The following CYP4F22 variants were observed in gnomAD, a reference collection of about 807,000 sequenced individuals.
The protein encoded by CYP4F22 is cytochrome P450 family 4 subfamily F member 22, also known as ultra-long-chain fatty acid omega-hydroxylase.
A neutral mutation model predicts 60.4 loss-of-function variants in CYP4F22; 37 were observed. The ratio of observed to expected loss-of-function variants is 0.61; its 90% CI spans 0.47 to 0.81. The LOEUF is 0.81. Ranked by LOEUF, CYP4F22 falls within the 30% of genes least tolerant of loss-of-function variation. CYP4F22 has a pLI of 0.00. For synonymous variants in CYP4F22, 258 were observed against 280.5 expected, an observed-to-expected ratio of 0.92 and a Z score of 0.80; for missense variants, 655 against 715.0, an observed-to-expected ratio of 0.92 and a Z score of 0.96.
intron 2 of CYP4F22, among the ~76,000 whole-genome samples, chr19:15,524,912 A>G (rs537617428): frequency 1.3e-5 from 2 of 152,312 alleles, no homozygotes; most frequent in African/African-American, 4.8e-5. Context: ...GCTGGAGTTT[A>G]ATCTCATTGG....
At position 15,509,854 on chromosome 19, in the gene CYP4F22, C is replaced by CTCCTTCCTTCCTTCCT. The variant is rs201064190; in HGVS notation, c.-109+1309_-109+1324dup. 4.1e-3 allele frequency among the ~76,000 whole-genome samples: 447 copies of CTCCTTCCTTCCTTCCT among 110,054 alleles called. 5 individuals are homozygous for CTCCTTCCTTCCTTCCT. The highest frequency in any genetic ancestry group is 6.6e-3 in the South Asian group (19 of 2,872). 72.2% of individuals were successfully genotyped at this position (110,054 alleles called of 152,430 possible). On this transcript the variant is annotated intron_variant, in intron 1 of 13. Coordinates refer to ENST00000269703, the MANE Select transcript of CYP4F22 (RefSeq NM_173483.4). ...GGCATTCAGGGAATGGGACCCATCT[C>CTCCTTCCTTCCTTCCT]TCCTTCCTTCCTTCCTTCCTTCCTT... is the stretch of plus-strand genomic sequence containing the variant.
At chr19:15,526,193 A>G (rs928418978) in intron 3 of CYP4F22, among the ~76,000 whole-genome samples, 1 of 152,068 alleles carries the variant, frequency 6.6e-6, no homozygotes, top group African/African-American at 2.4e-5. Context: ...AACTCTCTCT[A>G]TAATTTTATA....
At chr19:15,522,771 C>T (rs1971240106) in intron 1 of CYP4F22, among the ~76,000 whole-genome samples, 2 of 152,110 alleles carry the variant, frequency 1.3e-5, no homozygotes, top group South Asian at 4.1e-4. Flanking sequence ...AGTGCAGTGG[C>T]ACGATCTCAG....
At chr19:15,524,404 C>G (rs922656231) in intron 2 of CYP4F22, among the ~76,000 whole-genome samples, 1 of 152,138 alleles carries the variant, frequency 6.6e-6, no homozygotes, top group African/African-American at 2.4e-5. Context: ...AATCCCAGCA[C>G]TTTGGGAGGC....
rs1395435198 is a variant in CYP4F22 at position 15,537,365 on chromosome 19, C to T, written c.372C>T (p.Ala124=). The T allele has an allele frequency of 1.2e-6, 2 of 1,614,168 alleles. No homozygotes were observed. Among genetic ancestry groups the T allele is most frequent in the Admixed American group, 1.7e-5 (1 of 60,016 alleles). Residue 124 remains alanine, a synonymous_variant, in exon 5 of 14, where the codon GCC becomes GCT. Coordinates refer to ENST00000269703, the MANE Select transcript of CYP4F22 (RefSeq NM_173483.4). ...YIKPLLGASA[A]IAPKDDLFYG... ...TTTTCCCTTTGCCCTCCACAGCTGCCATCGCCCCCAAGGATGACCTCTTCT... is the reference window on the plus strand; with the variant it reads ...TTTTCCCTTTGCCCTCCACAGCTGCTATCGCCCCCAAGGATGACCTCTTCT...
intron 1 of CYP4F22, among the ~76,000 whole-genome samples, chr19:15,518,363 G>A (rs1280167666): frequency 6.6e-6 from 1 of 151,750 alleles, no homozygotes; most frequent in Non-Finnish European, 1.5e-5. Context: ...ATAAAAGGCC[G>A]GGCACGGTGG....
At chr19:15,521,219 G>T (rs111643952) in intron 1 of CYP4F22, among the ~76,000 whole-genome samples, 3 of 147,386 alleles carry the variant, frequency 2.0e-5, no homozygotes, top group African/African-American at 7.5e-5. Context: ...TGGGTACTTG[G>T]GTTACTTCCA....
intron 12 of CYP4F22, 62 bp from the exon 13 acceptor site, chr19:15,550,611 AG>A (rs1971583277): frequency 5.8e-6 from 9 of 1,549,556 alleles, no homozygotes; most frequent in Non-Finnish European, 8.0e-6. Context: ...GGCTCAGGGA[AG>A]GGGGCCAGGC....
chr19:15,548,997 AT>A, intron 11 of CYP4F22, 140 bp from the exon 12 acceptor site: 3 of 902,988 alleles, frequency 3.3e-6, no homozygotes, highest in Non-Finnish European at 1.7e-6. Context: ...GGGCAGCAGA[AT>A]TTTTTAGAGA....
chr19:15,547,609 G>T (rs1431387613), intron 10 of CYP4F22, among the ~76,000 whole-genome samples: 2 of 151,998 alleles, frequency 1.3e-5, no homozygotes, highest in Non-Finnish European at 2.9e-5. Flanking sequence ...GATTGCCTGA[G>T]GTCAGGCGTT....
chr19:15,546,326 G>C (rs528705716), intron 10 of CYP4F22, among the ~76,000 whole-genome samples: 21 of 152,246 alleles, frequency 1.4e-4, no homozygotes, highest in African/African-American at 4.8e-4. Context: ...GCTCATGCCT[G>C]TAATCCCAGC....
chr19:15,547,777 G>T lies in CYP4F22; in HGVS notation c.1137-331G>T, dbSNP rs182998155. Among the ~76,000 whole-genome samples, 571 of 151,376 alleles carry T rather than the reference G, an allele frequency of 3.8e-3. 3 individuals are homozygous for T. Among genetic ancestry groups the T allele is most frequent in the African/African-American group, 0.013 (548 of 41,152 alleles). On this transcript the variant is annotated intron_variant, in intron 10 of 13. Transcript: ENST00000269703. The stretch of plus-strand genomic sequence containing the variant: ...GGCTGAGGTTGCAGTGACCCGAGAT[G>T]CGCCACTATGTTCTAGCCTGGGCAA...
At chr19:15,535,187 T>C (rs1339785519) in intron 4 of CYP4F22, among the ~76,000 whole-genome samples, 1 of 152,166 alleles carries the variant, frequency 6.6e-6, no homozygotes, top group Non-Finnish European at 1.5e-5. Flanking sequence ...CAGCCCTTTT[T>C]CTGAGCCTTC....
intron 1 of CYP4F22, chr19:15,516,678 G>A (rs1181657753): frequency 1.0e-5 from 5 of 487,292 alleles, no homozygotes; most frequent in South Asian, 6.0e-5. Context: ...AGAGGCGGCT[G>A]AGAGGAGCAA....
In CYP4F22 at chr19:15,550,762, C is replaced by G; in HGVS notation, c.1418+6C>G. 6.2e-7 allele frequency: 1 copy of G among 1,614,086 alleles called. No homozygotes were observed. The highest frequency in any genetic ancestry group is 8.5e-7 in the Non-Finnish European group (1 of 1,179,948). On this transcript the variant is annotated splice_donor_region_variant and intron_variant, in intron 13 of 13. Transcript: ENST00000269703. ...CCCTTCTCTGCAGGACCCAGGTAAC[C>G]CCTCTATTTCCCCTAGTCCAAGCCA... is the stretch of plus-strand genomic sequence containing the variant.
intron 4 of CYP4F22, among the ~76,000 whole-genome samples, chr19:15,531,502 A>G (rs1327863710): frequency 6.6e-6 from 1 of 152,130 alleles, no homozygotes; most frequent in Non-Finnish European, 1.5e-5. Context: ...CTGTGAAAGA[A>G]GCTGCCATCT....
chr19:15,540,627 G>A lies in CYP4F22; in HGVS notation c.849G>A (p.Arg283=). The change falls in exon 8 of 14, where the codon CGG becomes CGA. Residue 283 remains arginine, a synonymous_variant. Transcript: ENST00000269703. ...HFTTEVIQER[R]RALRQQGAEA... ...CCACTGAAGTCATCCAGGAACGGCG[G>A]CGGGCACTGCGTCAGCAGGGGGCCG... is the stretch of plus-strand genomic sequence containing the variant. The A allele has an allele frequency of 1.2e-6, 2 of 1,614,238 alleles. No homozygotes were observed. Among genetic ancestry groups the A allele is most frequent in the Non-Finnish European group, 1.7e-6 (2 of 1,180,048 alleles).
chr19:15,543,362 A>AT (rs911461551), intron 8 of CYP4F22, among the ~76,000 whole-genome samples: 59 of 148,948 alleles, frequency 4.0e-4, no homozygotes, highest in African/African-American at 9.1e-4. Flanking sequence ...CACCTGGCTG[A>AT]TTTTTTTTTT....
intron 4 of CYP4F22, among the ~76,000 whole-genome samples, chr19:15,532,187 C>T (rs1409465602): frequency 6.6e-6 from 1 of 151,686 alleles, no homozygotes; most frequent in African/African-American, 2.4e-5. Flanking sequence ...TTTTCTTTCT[C>T]TTTTCCTCCT....
Sources: allele counts gnomAD v4.1 joint callset (sites outside exome capture counted in the v4.1 genomes callset), GRCh38; gene constraint gnomAD v4.1.1; transcripts MANE v1.5; gene names NCBI Gene and HGNC (gene_info 2026-07-23, HGNC 2026-07-21).